PUDP: variants seen among roughly 807,000 people sequenced by gnomAD.
PUDP encodes pseudouridine 5'-phosphatase.
PUDP carries 8 observed loss-of-function variants against 9.4 expected under a neutral mutation model. The observed-to-expected ratio is 0.85, with a 90% CI of 0.50 to 1.53. The LOEUF is 1.53. Among genes scored for constraint, PUDP ranks in the 40% most tolerant of loss-of-function variants. PUDP has a pLI of 0.00. For synonymous variants in PUDP, 99 were observed against 80.7 expected, an observed-to-expected ratio of 1.23 and a Z score of -1.22; for missense variants, 188 against 189.7, an observed-to-expected ratio of 0.99 and a Z score of 0.05.
At chrX:7,137,277 G>A (rs6639773) in intron 1 of PUDP, among the ~76,000 whole-genome samples, 1 of 107,559 alleles carries the variant, frequency 9.3e-6, no homozygotes, top group East Asian at 3.0e-4. Context: ...GGGTGTGGTG[G>A]TTCACCTGTA....
upstream of PUDP, among the ~76,000 whole-genome samples, chrX:6,722,710 G>A (rs139789415): frequency 5.8e-3 from 649 of 111,429 alleles, 4 homozygotes; most frequent in African/African-American, 0.02. Flanking sequence ...TCCTACTCCC[G>A]CAAGAACTCC....
chrX:7,018,825 A>G (rs1451190302), intron 1 of PUDP, among the ~76,000 whole-genome samples: 1 of 111,649 alleles, frequency 9.0e-6, no homozygotes, highest in Non-Finnish European at 1.9e-5. Context: ...CGGCATTCCC[A>G]GAAAGTTAGG....
At chrX:6,775,508 C>CACATAT (rs60473893) in intron 3 of PUDP, among the ~76,000 whole-genome samples, 1 of 107,217 alleles carries the variant, frequency 9.3e-6, no homozygotes, top group Non-Finnish European at 1.9e-5. Flanking sequence ...CACACATACA[C>CACATAT]ACACACACAC....
chrX:6,774,518 A>G (rs66999511), intron 3 of PUDP, among the ~76,000 whole-genome samples: 53,757 of 111,224 alleles, frequency 0.48, 9,935 homozygotes, highest in Middle Eastern at 0.59. Flanking sequence ...CTAAAACACA[A>G]TGATGGAAAG....
chrX:6,846,419 A>G (rs1926750151), intron 3 of PUDP, among the ~76,000 whole-genome samples: 2 of 108,922 alleles, frequency 1.8e-5, no homozygotes, highest in Non-Finnish European at 3.8e-5. Context: ...CAAAAAAAAA[A>G]AAAAAAAAGA....
intron 1 of PUDP, 22 bp from the exon 2 acceptor site, chrX:7,105,860 T>C: frequency 9.6e-7 from 1 of 1,046,148 alleles, no homozygotes; most frequent in Non-Finnish European, 1.3e-6. Flanking sequence ...AAAAAAGAGA[T>C]TTTTAGAGTG....
chrX:6,924,167 C>G lies in PUDP; in HGVS notation c.*247+52966G>C, dbSNP rs1450492861. On this transcript the variant is annotated intron_variant and NMD_transcript_variant, in intron 3 of 3. Transcript: ENST00000655425. ...TTGATACGTCCTTCTTAGTACCCAT[C>G]CCTATCTAACATGCTGTATCTTCTA... 2.7e-5 allele frequency among the ~76,000 whole-genome samples: 3 copies of G among 111,746 alleles called. No homozygotes were observed. In the East Asian group the frequency reaches 8.5e-4, roughly 32 times the overall value.
At chrX:6,996,664 AT>A (rs201207141) in intron 1 of PUDP, among the ~76,000 whole-genome samples, 11,269 of 95,771 alleles carry the variant, frequency 0.12, 716 homozygotes, top group East Asian at 0.22. Context: ...ATATATATAC[AT>A]TTTTTTTTTT....
rs769394606 is a variant in PUDP at position 7,006,376 on chromosome X, G to T, written c.205-28033C>A. Reference sequence around the variant, plus strand: ...GGTTTTTGCTTTGTGTTTGATAGTAGCCATTTAAATTGGCATAAGGTATAA... The same window carrying T: ...GGTTTTTGCTTTGTGTTTGATAGTATCCATTTAAATTGGCATAAGGTATAA... On this transcript the variant is annotated intron_variant and NMD_transcript_variant, in intron 1 of 3. Transcript: ENST00000655425. Among the ~76,000 whole-genome samples the T allele has an allele frequency of 1.1e-3, 118 of 111,968 alleles. 1 individual carries two copies. The highest frequency in any genetic ancestry group is 3.4e-3 in the African/African-American group (106 of 30,773).
intron 3 of PUDP, among the ~76,000 whole-genome samples, chrX:6,820,629 G>A (rs1926326273): frequency 9.0e-6 from 1 of 111,578 alleles, no homozygotes; most frequent in African/African-American, 3.3e-5. Flanking sequence ...ATCCAGCAGG[G>A]CAGTCAAATT....
Position 7,140,854 on chromosome X carries a change from C to T in PUDP, c.61+7199G>A, listed in dbSNP as rs1282362931. 8.9e-5 allele frequency among the ~76,000 whole-genome samples: 10 copies of T among 112,231 alleles called. No individual in the cohort carries two copies. The Admixed American group carries it at 9.5e-4, about 11-fold the overall frequency. ...TGTCTCACGTGACGTGTCTGTGTCACGTTTTGGTAATTCTTGCAATATGTC... is the reference window on the plus strand; with the variant it reads ...TGTCTCACGTGACGTGTCTGTGTCATGTTTTGGTAATTCTTGCAATATGTC... On this transcript the variant is annotated intron_variant, in intron 1 of 3. Coordinates refer to ENST00000381077, the MANE Select transcript of PUDP (RefSeq NM_012080.5).
intron 3 of PUDP, among the ~76,000 whole-genome samples, chrX:6,966,380 G>A (rs1484366631): frequency 9.1e-6 from 1 of 110,315 alleles, no homozygotes; most frequent in Admixed American, 9.8e-5. Flanking sequence ...CTAAGTAAAT[G>A]ATGGAGTGCA....
chrX:6,744,960 G>A (rs908031620), intron 3 of PUDP, among the ~76,000 whole-genome samples: 6 of 111,782 alleles, frequency 5.4e-5, no homozygotes, highest in African/African-American at 1.6e-4. Context: ...TTAGATTGGC[G>A]AAAAGAATCA....
chrX:6,762,498 G>A (rs183988818), intron 3 of PUDP, among the ~76,000 whole-genome samples: 1 of 111,856 alleles, frequency 8.9e-6, no homozygotes, highest in Non-Finnish European at 1.9e-5. Context: ...AATGTCATAC[G>A]TGACAAAGAT....
chrX:6,899,027 C>A (rs914713548), intron 3 of PUDP, among the ~76,000 whole-genome samples: 1 of 112,093 alleles, frequency 8.9e-6, no homozygotes, highest in Non-Finnish European at 1.9e-5. Flanking sequence ...GGTTGAAGAT[C>A]CACTTGTTCT....
At chrX:6,863,006 A>C (rs139776956) in intron 3 of PUDP, among the ~76,000 whole-genome samples, 3,716 of 111,854 alleles carry the variant, frequency 0.033, 71 homozygotes, top group South Asian at 0.076. Flanking sequence ...ATATAAGCCA[A>C]TATACCCAAA....
At chrX:7,104,613 G>T (rs1457869301) in intron 2 of PUDP, among the ~76,000 whole-genome samples, 1 of 111,796 alleles carries the variant, frequency 8.9e-6, no homozygotes, top group East Asian at 2.8e-4. Context: ...GTTTCACCAA[G>T]ACTTATCAAG....
chrX:6,855,363 GT>G (rs757214177), intron 3 of PUDP, among the ~76,000 whole-genome samples: 3 of 111,811 alleles, frequency 2.7e-5, no homozygotes, highest in Non-Finnish European at 5.6e-5. Context: ...GCTGTTAATA[GT>G]TTAAGTTTTT....
At chrX:7,010,243 T>G (rs1929458805) in intron 1 of PUDP, among the ~76,000 whole-genome samples, 2 of 111,837 alleles carry the variant, frequency 1.8e-5, no homozygotes, top group Non-Finnish European at 3.8e-5. Flanking sequence ...TTCAATGTCC[T>G]GGAACAGTCA....
Sources: allele counts gnomAD v4.1 joint callset (sites outside exome capture counted in the v4.1 genomes callset), GRCh38; gene constraint gnomAD v4.1.1; transcripts MANE v1.5; gene names NCBI Gene and HGNC (gene_info 2026-07-23, HGNC 2026-07-21).